The following ZNF814 variants were observed in gnomAD, a reference collection of about 807,000 sequenced individuals.
ZNF814 encodes zinc finger protein 814.
A neutral mutation model predicts 7.5 loss-of-function variants in ZNF814; 5 were observed. That is an observed-to-expected ratio of 0.67 (90% CI 0.35 to 1.40). The LOEUF is 1.40. Among genes scored for constraint, ZNF814 ranks in the 40% most tolerant of loss-of-function variants. The pLI is 0.04. For synonymous variants in ZNF814, 315 were observed against 340.7 expected (o/e 0.92, Z 0.83); for missense variants, 962 against 1,018.0 (o/e 0.94, Z 0.75).
chr19:57,873,209 G>A lies in ZNF814; in HGVS notation c.2181C>T (p.Asn727=), dbSNP rs746694662. The part of the protein sequence containing the change: ...ACEACQKFFR[N]KYQLIAHQRV... ...TCTGATGTGCAATGAGTTGGTACTT[G>A]TTTCTAAAAAATTTCTGACAAGCTT... Residue 727 remains asparagine, a synonymous_variant, in exon 3 of 3, where the codon AAC becomes AAT. Transcript: ENST00000435989. 6.7e-5 allele frequency: 108 copies of A among 1,611,932 alleles called. No homozygotes were observed. Among genetic ancestry groups the A allele is most frequent in the Non-Finnish European group, 8.7e-5 (103 of 1,179,340 alleles).
chr19:57,871,461 A>G lies in ZNF814; in HGVS notation c.*1361T>C, dbSNP rs554962631. The G allele has an allele frequency of 6.6e-6, 1 of 152,316 alleles. No individual in the cohort carries two copies. The highest frequency in any genetic ancestry group is 2.1e-4 in the South Asian group (1 of 4,828). 9.4% of individuals were successfully genotyped at this position (152,316 alleles called of 1,614,324 possible). The stretch of plus-strand genomic sequence containing the variant: ...GCCAACAAAAGCTGTGACCCCCTTC[A>G]TAGTAACAGGACCTACTTATTTCTG... On this transcript the variant is annotated 3_prime_UTR_variant, in exon 3 of 3. Coordinates refer to ENST00000435989, the MANE Select transcript of ZNF814 (RefSeq NM_001144989.2).
In ZNF814 at chr19:57,870,966, T is replaced by G. The variant is rs7250728; in HGVS notation, c.*1856A>C. 6.6e-6 allele frequency: 1 copy of G among 151,142 alleles called. No individual in the cohort carries two copies. The highest frequency in any genetic ancestry group is 1.5e-5 in the Non-Finnish European group (1 of 67,834). 9.4% of individuals were successfully genotyped at this position (151,142 alleles called of 1,614,324 possible). A position where few individuals can be genotyped will look rare whatever the true frequency, so the allele number is the denominator to read the frequency against. On this transcript the variant is annotated 3_prime_UTR_variant, in exon 3 of 3. Coordinates refer to ENST00000435989, the MANE Select transcript of ZNF814 (RefSeq NM_001144989.2). ...CTGCACTCCAGCCTGGGCAACAGGG[T>G]GAGGCTCTGCCTCAAAAAAAAAGAA...
chr19:57,883,162 T>C (rs941410967), intron 1 of ZNF814, among the ~76,000 whole-genome samples: 4 of 151,116 alleles, frequency 2.6e-5, no homozygotes, highest in Admixed American at 1.3e-4. Context: ...ATCGAGACCA[T>C]CCTGGCTAAT....
intron 2 of ZNF814, among the ~76,000 whole-genome samples, chr19:57,875,787 CGATAA>C (rs1415304341): frequency 6.6e-6 from 1 of 151,724 alleles, no homozygotes. Flanking sequence ...AGAGTAGAAG[CGATAA>C]GGTAGACAAG....
intron 1 of ZNF814, among the ~76,000 whole-genome samples, chr19:57,883,535 C>A (rs1376946004): frequency 6.6e-6 from 1 of 151,542 alleles, no homozygotes; most frequent in Non-Finnish European, 1.5e-5. Context: ...GTAGTGCACA[C>A]CTGTAGTCCC....
At chr19:57,889,244 T>C (rs1364814938), upstream of ZNF814, among the ~76,000 whole-genome samples, 1 of 152,088 alleles carries the variant, frequency 6.6e-6, no homozygotes, top group African/African-American at 2.4e-5. Flanking sequence ...CTCGGGAGTA[T>C]CCTTAAGATG....
Position 57,876,888 on chromosome 19 carries a change from G to A in ZNF814, c.163+28C>T, listed in dbSNP as rs768630683. ...ATAGGGGAAAACAGAGACTAGCTCA[G>A]GTCACAGGGTGAGTGTGAGCAACTT... On this transcript the variant is annotated intron_variant, in intron 2 of 2. Transcript: ENST00000435989. 2.4e-5 allele frequency: 38 copies of A among 1,613,488 alleles called. No individual in the cohort carries two copies. The Middle Eastern group carries it at 9.9e-4, about 42-fold the overall frequency.
In ZNF814 at chr19:57,874,669, ACTCTT is replaced by A. The variant is rs2071590621; in HGVS notation, c.716_720del (p.Glu239ValfsTer6). ...TTCCCACATTCACAGCACACATAACACTCTTCTCTAGTGAGCAGTCTCTGGTGCTG... is the reference window on the plus strand; with the variant it reads ...TTCCCACATTCACAGCACACATAACACTCTAGTGAGCAGTCTCTGGTGCTG... On this transcript the variant is annotated frameshift_variant, in exon 3 of 3. Transcript: ENST00000435989. LOFTEE classifies it low-confidence loss of function (END_TRUNC). The A allele has an allele frequency of 1.3e-6, 2 of 1,560,190 alleles. No individual in the cohort carries two copies. Among genetic ancestry groups the A allele is most frequent in the East Asian group, 4.8e-5 (2 of 41,528 alleles).
chr19:57,893,777 G>A (rs543956251), upstream of ZNF814, among the ~76,000 whole-genome samples: 50 of 151,918 alleles, frequency 3.3e-4, no homozygotes, highest in Admixed American at 3.1e-3. Flanking sequence ...AAAATAAGCC[G>A]GGTGTGGTGG....
the ZNF814 span, among the ~76,000 whole-genome samples, chr19:57,900,839 A>ATTTTTTTTTT: frequency 0.063 from 2,865 of 45,692 alleles, 848 homozygotes; most frequent in East Asian, 0.16. Flanking sequence ...CCATGGCTGC[A>ATTTTTTTTTT]TTTTTTTTTT....
the ZNF814 span, among the ~76,000 whole-genome samples, chr19:57,900,667 C>G: frequency 1.2e-4 from 18 of 152,066 alleles, no homozygotes; most frequent in Admixed American, 9.2e-4. Flanking sequence ...GGAAAATTGT[C>G]CTTTGTTCAT....
At chr19:57,893,823 G>C (rs1395671370), upstream of ZNF814, among the ~76,000 whole-genome samples, 1 of 151,874 alleles carries the variant, frequency 6.6e-6, no homozygotes, top group Non-Finnish European at 1.5e-5. Context: ...GGGAGGCTGA[G>C]GCAGGAGAAT....
chr19:57,883,476 T>C (rs2071665192), intron 1 of ZNF814, among the ~76,000 whole-genome samples: 1 of 151,004 alleles, frequency 6.6e-6, no homozygotes, highest in African/African-American at 2.4e-5. Context: ...TTCTGGCCAA[T>C]ATAGTGGAAC....
the ZNF814 span, among the ~76,000 whole-genome samples, chr19:57,900,073 C>G: frequency 6.6e-6 from 1 of 152,094 alleles, no homozygotes; most frequent in East Asian, 1.9e-4. Context: ...TTCTATTACT[C>G]AAAAAGCCCC....
chr19:57,898,797 C>T, the ZNF814 span, among the ~76,000 whole-genome samples: 33,177 of 151,930 alleles, frequency 0.22, 4,082 homozygotes, highest in South Asian at 0.28. Context: ...AAACATTAGC[C>T]GGGTGTGGCG....
At chr19:57,889,380 C>CA (rs894953006), upstream of ZNF814, among the ~76,000 whole-genome samples, 1 of 152,032 alleles carries the variant, frequency 6.6e-6, no homozygotes, top group Non-Finnish European at 1.5e-5. Context: ...CCTGTCTCTA[C>CA]AAAAAATAAA....
In ZNF814 at chr19:57,874,725, T is replaced by C. The variant is rs2071591265; in HGVS notation, c.665A>G (p.His222Arg). ...AHYSCGESMKHFSTKHILSQH... is the reference protein window; with the variant it reads ...AHYSCGESMKRFSTKHILSQH... Reference sequence around the variant, plus strand: ...ACTGAGTATATGTTTGGTGCTAAAATGTTTCATGGATTCTCCACAGCTGTA... The same window carrying C: ...ACTGAGTATATGTTTGGTGCTAAAACGTTTCATGGATTCTCCACAGCTGTA... The change falls in exon 3 of 3, where the codon CAT becomes CGT. Residue 222 changes from histidine (H) to arginine (R), a missense_variant. His to Arg is a conservative substitution (Grantham distance 29, BLOSUM62 0). Coordinates refer to ENST00000435989, the MANE Select transcript of ZNF814 (RefSeq NM_001144989.2). 6.2e-7 allele frequency: 1 copy of C among 1,601,914 alleles called. No individual in the cohort carries two copies. The highest frequency in any genetic ancestry group is 1.1e-5 in the South Asian group (1 of 89,860).
At position 57,877,054 on chromosome 19, in the gene ZNF814, T is replaced by C. The variant is rs2071612865; in HGVS notation, c.37-12A>G. The C allele has an allele frequency of 5.0e-6, 8 of 1,613,620 alleles. No homozygotes were observed. The highest frequency in any genetic ancestry group is 2.2e-5 in the South Asian group (2 of 91,048). ...AAAGTCACTGTGCCCTGTTATGATG[T>C]TGACAGATGAAACTACAAACTGCCC... On this transcript the variant is annotated splice_polypyrimidine_tract_variant and intron_variant, in intron 1 of 2. Transcript: ENST00000435989.
intron 1 of ZNF814, among the ~76,000 whole-genome samples, chr19:57,879,026 T>C (rs948541138): frequency 2.0e-5 from 3 of 152,092 alleles, no homozygotes; most frequent in Non-Finnish European, 2.9e-5. Context: ...TATACCAATA[T>C]GACCAGGCAT....
Sources: allele counts gnomAD v4.1 joint callset (sites outside exome capture counted in the v4.1 genomes callset), GRCh38; gene constraint gnomAD v4.1.1; transcripts MANE v1.5; gene names NCBI Gene and HGNC (gene_info 2026-07-23, HGNC 2026-07-21).